EDIL3: variants seen among roughly 807,000 people sequenced by gnomAD.
The protein encoded by EDIL3 is EGF like and discoidin domains 3, also known as EGF-like repeat and discoidin I-like domain-containing protein 3.
Under a neutral mutation model 67.4 loss-of-function variants are expected in EDIL3, and 37 were observed. The ratio of observed to expected loss-of-function variants is 0.55; its 90% CI spans 0.42 to 0.72. EDIL3 has a LOEUF of 0.72. Among genes scored for constraint, EDIL3 ranks in the 30% least tolerant of loss-of-function variants. The pLI is 0.00. For synonymous variants in EDIL3, 195 were observed against 196.3 expected (o/e 0.99, Z 0.05); for missense variants, 527 against 586.3 (o/e 0.90, Z 1.04).
intron 10 of EDIL3, among the ~76,000 whole-genome samples, chr5:83,955,494 C>A (rs1454988095): frequency 2.0e-5 from 3 of 151,572 alleles, no homozygotes; most frequent in African/African-American, 4.8e-5. Context: ...GAAAATGTAA[C>A]TCTGAGTTTT....
At chr5:84,345,521 G>A (rs1474542024) in intron 1 of EDIL3, among the ~76,000 whole-genome samples, 1 of 152,050 alleles carries the variant, frequency 6.6e-6, no homozygotes, top group East Asian at 1.9e-4. Context: ...TTTGAGAAAT[G>A]GAGTAATAAA....
At chr5:84,020,076 C>CAAAA (rs9293362) in intron 9 of EDIL3, among the ~76,000 whole-genome samples, 11,926 of 128,090 alleles carry the variant, frequency 0.093, 1,192 homozygotes, top group East Asian at 0.38. Context: ...ATCTTTTGTA[C>CAAAA]AAAAAAAAAA....
intron 1 of EDIL3, among the ~76,000 whole-genome samples, chr5:84,340,547 T>TATATAC (rs1164739718): frequency 9.2e-6 from 1 of 108,350 alleles, no homozygotes; most frequent in East Asian, 2.5e-4. Context: ...TATATATATA[T>TATATAC]ATATATATAT....
intron 5 of EDIL3, among the ~76,000 whole-genome samples, chr5:84,110,130 A>G (rs1747533280): frequency 1.3e-5 from 2 of 152,302 alleles, no homozygotes; most frequent in East Asian, 1.9e-4. Flanking sequence ...GGAAAAGCCC[A>G]ATAAATATGC....
At chr5:84,349,496 C>T (rs1290554164) in intron 1 of EDIL3, among the ~76,000 whole-genome samples, 1 of 152,116 alleles carries the variant, frequency 6.6e-6, no homozygotes, top group Non-Finnish European at 1.5e-5. Flanking sequence ...TTGTGAGTCA[C>T]ATTTTAAAAT....
At chr5:84,068,280 A>G (rs752506743) in intron 6 of EDIL3, among the ~76,000 whole-genome samples, 1 of 152,120 alleles carries the variant, frequency 6.6e-6, no homozygotes, top group Non-Finnish European at 1.5e-5. Flanking sequence ...AACATTTCCA[A>G]TACATACAAT....
chr5:84,033,735 A>C (rs2112205548), intron 9 of EDIL3, among the ~76,000 whole-genome samples: 1 of 151,938 alleles, frequency 6.6e-6, no homozygotes, highest in South Asian at 2.1e-4. Flanking sequence ...AATGGAAAAA[A>C]GAAAAGATTT....
At position 84,294,563 on chromosome 5, in the gene EDIL3, C is replaced by T. The variant is rs970805367; in HGVS notation, c.68-40351G>A. Among the ~76,000 whole-genome samples, 40 of 151,742 alleles carry T rather than the reference C, an allele frequency of 2.6e-4. 2 individuals are homozygous for T. Among genetic ancestry groups the T allele is most frequent in the Admixed American group, 2.6e-3 (40 of 15,228 alleles). On this transcript the variant is annotated intron_variant, in intron 1 of 10. Coordinates refer to ENST00000296591, the MANE Select transcript of EDIL3 (RefSeq NM_005711.5). ...TCATATATATGTGCATACATATATACATATATACATACATGTTTATCACAC... is the reference window on the plus strand; with the variant it reads ...TCATATATATGTGCATACATATATATATATATACATACATGTTTATCACAC...
chr5:84,239,353 AC>A (rs1440693208), intron 2 of EDIL3, among the ~76,000 whole-genome samples: 1 of 152,204 alleles, frequency 6.6e-6, no homozygotes, highest in Non-Finnish European at 1.5e-5. Context: ...TGGTGTTATT[AC>A]CTGTCTTGTT....
intron 9 of EDIL3, among the ~76,000 whole-genome samples, chr5:84,054,833 T>G (rs1415777905): frequency 4.0e-5 from 6 of 149,102 alleles, no homozygotes; most frequent in African/African-American, 1.3e-4. Context: ...TGGAAGAACA[T>G]TCCATGCTCA....
intron 5 of EDIL3, among the ~76,000 whole-genome samples, chr5:84,109,976 A>T (rs1561434243): frequency 6.6e-6 from 1 of 152,234 alleles, no homozygotes; most frequent in Non-Finnish European, 1.5e-5. Flanking sequence ...TGAAAAAATA[A>T]TGAGCTTGGT....
chr5:84,248,632 T>C (rs887308013), intron 2 of EDIL3, among the ~76,000 whole-genome samples: 1 of 152,182 alleles, frequency 6.6e-6, no homozygotes, highest in African/African-American at 2.4e-5. Context: ...ATTTGTCAAA[T>C]TCAACATGTG....
chr5:83,974,296 A>G (rs1480604946), intron 9 of EDIL3, among the ~76,000 whole-genome samples: 1 of 151,776 alleles, frequency 6.6e-6, no homozygotes, highest in East Asian at 2.0e-4. Flanking sequence ...AAATGCTTCA[A>G]ATCGCTTTGG....
At chr5:84,071,409 A>G (rs556020540) in intron 6 of EDIL3, among the ~76,000 whole-genome samples, 171 of 152,372 alleles carry the variant, frequency 1.1e-3, no homozygotes, top group African/African-American at 3.8e-3. Context: ...ATGTAGTCTA[A>G]TGGAGAACAG....
intron 9 of EDIL3, among the ~76,000 whole-genome samples, chr5:84,004,924 A>G (rs985880547): frequency 3.9e-5 from 6 of 152,090 alleles, no homozygotes; most frequent in African/African-American, 1.4e-4. Flanking sequence ...AATAAATAAG[A>G]TTGATAAAGT....
chr5:84,019,338 T>C (rs1745667806), intron 9 of EDIL3, among the ~76,000 whole-genome samples: 1 of 150,700 alleles, frequency 6.6e-6, no homozygotes, highest in Admixed American at 6.6e-5. Context: ...AGGTGGGAAT[T>C]GAACAATGAG....
At chr5:84,251,476 T>C (rs2112072892) in intron 2 of EDIL3, among the ~76,000 whole-genome samples, 1 of 152,128 alleles carries the variant, frequency 6.6e-6, no homozygotes, top group Non-Finnish European at 1.5e-5. Context: ...TTTGAAATAT[T>C]TGATCCCAAT....
intron 1 of EDIL3, among the ~76,000 whole-genome samples, chr5:84,257,534 T>G (rs1745143462): frequency 6.6e-6 from 1 of 152,170 alleles, no homozygotes; most frequent in African/African-American, 2.4e-5. Flanking sequence ...AAGATGATAT[T>G]TTGACCAAAT....
chr5:84,162,633 C>G (rs191072931), intron 4 of EDIL3, among the ~76,000 whole-genome samples: 55 of 152,192 alleles, frequency 3.6e-4, no homozygotes, highest in Admixed American at 1.2e-3. Context: ...CCTGGATCCC[C>G]TTGGAGCACC....
Sources: gnomAD v4.1 joint callset for allele counts (sites outside exome capture counted in the v4.1 genomes callset) on GRCh38, gnomAD v4.1.1 for gene constraint, MANE v1.5 for transcripts, NCBI Gene and HGNC (gene_info 2026-07-23, HGNC 2026-07-21) for gene names.